The following CYFIP2 variants were observed in gnomAD, a reference collection of about 807,000 sequenced individuals.
CYFIP2 encodes the protein cytoplasmic FMR1 interacting protein 2.
Under a neutral mutation model 158.7 loss-of-function variants are expected in CYFIP2, and 29 were observed. The ratio of observed to expected loss-of-function variants is 0.18; its 90% CI spans 0.14 to 0.25. The LOEUF (loss-of-function observed/expected upper bound fraction) is 0.25, where lower values mean the gene tolerates loss of function less well. Ranked by LOEUF, CYFIP2 falls within the 10% of genes least tolerant of loss-of-function variation. The pLI, the probability that CYFIP2 is intolerant of heterozygous loss-of-function variation, is 1.00. For missense variants in CYFIP2, 852 were observed against 1,639.5 expected (o/e 0.52, Z 8.29); for synonymous variants, 585 against 617.6 (o/e 0.95, Z 0.78).
In CYFIP2 at chr5:157,314,348, T is replaced by C; in HGVS notation, c.1115T>C (p.Val372Ala). 1 of 1,613,700 alleles carries C rather than the reference T, an allele frequency of 6.2e-7. No homozygotes were observed. The highest frequency in any genetic ancestry group is 8.5e-7 in the Non-Finnish European group (1 of 1,179,770). ...ATGACACCTGATGCTCCCCAGGTGG[T>C]GACGGGCTCAGGGCTGGACAGCCAG... ...ELARYSNSEV[V>A]TGSGLDSQKS... The change falls in exon 12 of 31, where the codon GTG (valine) becomes GCG (alanine). Residue 372 changes from valine to alanine, a missense_variant. Around this residue, in one of 8 missense-constraint regions of CYFIP2, gnomAD observed 133 missense variants for 197.1 expected, o/e 0.67. Transcript: ENST00000620254.
chr5:157,392,761 C>A, intron 30 of CYFIP2, 72 bp from the exon 31 acceptor site: 1 of 1,547,976 alleles, frequency 6.5e-7, no homozygotes, highest in Non-Finnish European at 8.8e-7. Context: ...ACCTCAGTGA[C>A]TTCTCCTGTT....
chr5:157,339,380 C>A (rs1298202506), intron 22 of CYFIP2, 124 bp downstream of exon 22: 3 of 819,580 alleles, frequency 3.7e-6, no homozygotes, highest in Non-Finnish European at 5.9e-6. Flanking sequence ...AGAGCCCCTC[C>A]TGGGCACAGG....
intron 1 of CYFIP2, among the ~76,000 whole-genome samples, chr5:157,271,929 G>T (rs1209282228): frequency 6.6e-6 from 1 of 152,182 alleles, no homozygotes; most frequent in African/African-American, 2.4e-5. Flanking sequence ...TCATGTTGGT[G>T]TTCCTCATAT....
intron 8 of CYFIP2, 115 bp downstream of exon 8, chr5:157,304,481 T>C (rs1379237932): frequency 8.1e-7 from 1 of 1,229,800 alleles, no homozygotes; most frequent in Non-Finnish European, 1.1e-6. Flanking sequence ...TTGATACAGA[T>C]CTTACGGCAC....
chr5:157,341,920 G>A (rs1490976354), intron 23 of CYFIP2: 9 of 152,258 alleles, frequency 5.9e-5, no homozygotes, highest in Non-Finnish European at 1.5e-5. Context: ...CAGCATTTGA[G>A]GTGGTTCACA....
At position 157,311,441 on chromosome 5, in the gene CYFIP2, A is replaced by T; in HGVS notation, c.993-223A>T. The T allele has an allele frequency of 1.8e-6, 1 of 569,332 alleles. No individual in the cohort carries two copies. The highest frequency in any genetic ancestry group is 3.2e-6 in the Non-Finnish European group (1 of 317,168). 35.3% of individuals were successfully genotyped at this position (569,332 alleles called of 1,614,324 possible). A position where few individuals can be genotyped will look rare whatever the true frequency, so the allele number is the denominator to read the frequency against. On this transcript the variant is annotated intron_variant, in intron 10 of 30. Coordinates refer to ENST00000620254, the MANE Select transcript of CYFIP2 (RefSeq NM_001037333.3). The surrounding 1 kb of genome is among the most constrained non-coding windows in gnomAD (Gnocchi z 4.7). Reference sequence around the variant, plus strand: ...CTGGAAAGGCCTACAGTTGGATCCTAGATGAGGCTGGCACCAAAGAGGAGG... The same window carrying T: ...CTGGAAAGGCCTACAGTTGGATCCTTGATGAGGCTGGCACCAAAGAGGAGG...
intron 20 of CYFIP2, 76 bp from the exon 21 acceptor site, chr5:157,333,251 T>C (rs1028457191): frequency 6.3e-7 from 1 of 1,592,532 alleles, no homozygotes; most frequent in Non-Finnish European, 8.6e-7. Flanking sequence ...CCCAAAGTGC[T>C]GGGATTACAG....
At chr5:157,336,263 A>G (rs1761850857) in intron 21 of CYFIP2, among the ~76,000 whole-genome samples, 1 of 152,222 alleles carries the variant, frequency 6.6e-6, no homozygotes, top group Non-Finnish European at 1.5e-5. Flanking sequence ...AGCTGAGCAA[A>G]CAGAGTCTCA....
intron 13 of CYFIP2, among the ~76,000 whole-genome samples, chr5:157,318,423 C>T (rs1185622442): frequency 6.6e-6 from 1 of 152,160 alleles, no homozygotes; most frequent in South Asian, 2.1e-4. Flanking sequence ...TATCTGTAGC[C>T]AGGGGCCCAG....
Position 157,273,109 on chromosome 5 carries a change from A to G in CYFIP2, c.-24+6914A>G, listed in dbSNP as rs990882944. On this transcript the variant is annotated intron_variant, in intron 1 of 30. Transcript: ENST00000620254. ...TTGAACTCCTGATCTCAGGTGATCC[A>G]CCTGCCTCGGCCTCCCAAAGTGCTG... Among the ~76,000 whole-genome samples, 160 of 152,168 alleles carry G rather than the reference A, an allele frequency of 1.1e-3. 1 individual carries two copies. Among genetic ancestry groups the G allele is most frequent in the African/African-American group, 3.5e-3 (147 of 41,520 alleles).
chr5:157,343,476 C>T (rs1762449387), intron 23 of CYFIP2: 1 of 1,606,056 alleles, frequency 6.2e-7, no homozygotes, highest in Non-Finnish European at 8.5e-7. Context: ...AGGCAGGGCT[C>T]CGAGGACGAC....
rs186942159 is a variant in CYFIP2 at position 157,386,784 on chromosome 5, G to A, written c.3208-2405G>A. The stretch of plus-strand genomic sequence containing the variant: ...AAAATGCAAAAATTAGTCGGGCGTG[G>A]TGGCCCACGCCTGTGATCCCAGATA... On this transcript the variant is annotated intron_variant, in intron 28 of 30. Transcript: ENST00000620254. Among the ~76,000 whole-genome samples the A allele has an allele frequency of 2.6e-3, 402 of 152,238 alleles. 1 individual carries two copies. Among genetic ancestry groups the A allele is most frequent in the African/African-American group, 8.2e-3 (340 of 41,550 alleles).
At chr5:157,365,279 C>T (rs890282385) in intron 26 of CYFIP2, 1 of 152,058 alleles carries the variant, frequency 6.6e-6, no homozygotes, top group Non-Finnish European at 1.5e-5. Flanking sequence ...CCAGAAAGTG[C>T]GAAGGAAAAA....
At chr5:157,334,593 C>T (rs1761718252) in intron 21 of CYFIP2, among the ~76,000 whole-genome samples, 1 of 151,932 alleles carries the variant, frequency 6.6e-6, no homozygotes, top group Admixed American at 6.6e-5. Context: ...ACCAGTAAGA[C>T]ATATTATTGT....
rs372113463 is a variant in CYFIP2 at position 157,390,693 on chromosome 5, T to C, written c.3594+25T>C. On this transcript the variant is annotated intron_variant, in intron 30 of 30. Coordinates refer to ENST00000620254, the MANE Select transcript of CYFIP2 (RefSeq NM_001037333.3). ...GGTGAGCAGGCTGGTGGCTAAGGCC[T>C]GGGAGGTGGGGCTGGGCTGACAACC... The C allele has an allele frequency of 1.2e-5, 19 of 1,574,348 alleles. No homozygotes were observed. The African/African-American group carries it at 2.6e-4, about 21-fold the overall frequency.
At position 157,361,374 on chromosome 5, in the gene CYFIP2, G is replaced by C; in HGVS notation, c.2909-94G>C. The C allele has an allele frequency of 6.4e-7, 1 of 1,555,188 alleles. No homozygotes were observed. The highest frequency in any genetic ancestry group is 8.8e-7 in the Non-Finnish European group (1 of 1,138,622). On this transcript the variant is annotated intron_variant, in intron 25 of 30. Coordinates refer to ENST00000620254, the MANE Select transcript of CYFIP2 (RefSeq NM_001037333.3). This position sits in a 1 kb window ranked among gnomAD's most constrained non-coding sequence, Gnocchi z 4.4. Reference sequence around the variant, plus strand: ...CGTGGTTTGGCTTTTTGCTATCCCAGAGTCAGGTCTGGGGCTGCCACTCAG... The same window carrying C: ...CGTGGTTTGGCTTTTTGCTATCCCACAGTCAGGTCTGGGGCTGCCACTCAG...
At chr5:157,335,286 G>C (rs1258400814) in intron 21 of CYFIP2, among the ~76,000 whole-genome samples, 1 of 152,072 alleles carries the variant, frequency 6.6e-6, no homozygotes, top group Non-Finnish European at 1.5e-5. Flanking sequence ...TTTTTGTTTT[G>C]TTTTCTTTTG....
chr5:157,351,200 C>T (rs1763044937), intron 23 of CYFIP2, among the ~76,000 whole-genome samples: 1 of 152,114 alleles, frequency 6.6e-6, no homozygotes, highest in Non-Finnish European at 1.5e-5. Context: ...TTATTTGTAA[C>T]AGATGAACCC....
chr5:157,390,726 T>C (rs1245739842), intron 30 of CYFIP2, 58 bp downstream of exon 30: 13 of 1,551,616 alleles, frequency 8.4e-6, no homozygotes, highest in Non-Finnish European at 1.1e-5. Flanking sequence ...ACCAGGCTTT[T>C]ACCAGAAAAG....
Sources: allele counts gnomAD v4.1 joint callset (sites outside exome capture counted in the v4.1 genomes callset), GRCh38; gene constraint gnomAD v4.1.1; regional missense constraint gnomAD v4.1.1; non-coding constraint Gnocchi (gnomAD v3.1); transcripts MANE v1.5; gene names NCBI Gene and HGNC (gene_info 2026-07-23, HGNC 2026-07-21).